The following ALK variants were observed in gnomAD, a reference collection of about 807,000 sequenced individuals.
ALK encodes ALK tyrosine kinase receptor.
A neutral mutation model predicts 163.1 loss-of-function variants in ALK; 74 were observed. The ratio of observed to expected loss-of-function variants is 0.45; its 90% CI spans 0.38 to 0.55. ALK has a LOEUF of 0.55. ALK is among the 20% of genes least tolerant of loss of function. The pLI is 0.00. For missense variants in ALK, 2,063 were observed against 2,105.3 expected, an observed-to-expected ratio of 0.98 and a Z score of 0.39; for synonymous variants, 960 against 843.2, an observed-to-expected ratio of 1.14 and a Z score of -2.40.
At chr2:29,805,591 G>T (rs1664589092) in intron 1 of ALK, among the ~76,000 whole-genome samples, 1 of 152,180 alleles carries the variant, frequency 6.6e-6, no homozygotes, top group Non-Finnish European at 1.5e-5. Flanking sequence ...GGAGCATGTG[G>T]TATTTGGTTT....
intron 2 of ALK, among the ~76,000 whole-genome samples, chr2:29,713,589 G>C (rs755365219): frequency 6.6e-6 from 1 of 152,122 alleles, no homozygotes; most frequent in Admixed American, 6.5e-5. Flanking sequence ...ATGCTCTCCA[G>C]GCAGGGAAAG....
chr2:29,835,314 G>A (rs1489070324), intron 1 of ALK, among the ~76,000 whole-genome samples: 1 of 152,112 alleles, frequency 6.6e-6, no homozygotes, highest in Non-Finnish European at 1.5e-5. Context: ...ACATAAGGGG[G>A]GAAAGGTATT....
chr2:29,628,602 G>A (rs1294866203), intron 3 of ALK, among the ~76,000 whole-genome samples: 3 of 152,152 alleles, frequency 2.0e-5, no homozygotes, highest in Non-Finnish European at 2.9e-5. Flanking sequence ...TAAAGAGATG[G>A]TGTACAGTTC....
chr2:29,650,814 T>G (rs953888062), intron 3 of ALK, among the ~76,000 whole-genome samples: 4 of 152,104 alleles, frequency 2.6e-5, no homozygotes, highest in Non-Finnish European at 4.4e-5. Flanking sequence ...CCCCCTCCCC[T>G]CTGACTTCAG....
At chr2:29,738,700 G>A (rs1017634618) in intron 1 of ALK, among the ~76,000 whole-genome samples, 6 of 152,076 alleles carry the variant, frequency 3.9e-5, no homozygotes, top group African/African-American at 1.5e-4. Flanking sequence ...CCTCTATAGA[G>A]ACTGAATCAA....
intron 1 of ALK, among the ~76,000 whole-genome samples, chr2:29,765,440 C>T (rs1680833271): frequency 6.6e-6 from 1 of 152,066 alleles, no homozygotes; most frequent in Non-Finnish European, 1.5e-5. Flanking sequence ...CATCATGATG[C>T]TGCTATCAGA....
chr2:29,375,563 C>T (rs13007659), intron 5 of ALK, among the ~76,000 whole-genome samples: 24,326 of 152,080 alleles, frequency 0.16, 2,298 homozygotes, highest in Middle Eastern at 0.28. Context: ...GTGATCTGCC[C>T]GCCTCGGCCT....
At chr2:29,448,535 T>C (rs1326506068) in intron 4 of ALK, among the ~76,000 whole-genome samples, 4 of 152,166 alleles carry the variant, frequency 2.6e-5, no homozygotes, top group Non-Finnish European at 5.9e-5. Flanking sequence ...AATAACAGTG[T>C]CATCCTGGAA....
chr2:29,803,049 T>C (rs1664525505), intron 1 of ALK, among the ~76,000 whole-genome samples: 1 of 152,230 alleles, frequency 6.6e-6, no homozygotes, highest in East Asian at 1.9e-4. Flanking sequence ...TTCTTAATTA[T>C]CTAAAATGGC....
intron 4 of ALK, among the ~76,000 whole-genome samples, chr2:29,450,323 T>A (rs1310061159): frequency 6.6e-6 from 1 of 152,184 alleles, no homozygotes; most frequent in Non-Finnish European, 1.5e-5. Context: ...TTGGTAATGA[T>A]GCCAATTCAG....
rs534474949 is a variant in ALK at position 29,786,549 on chromosome 2, C to T, written c.668-68852G>A. On this transcript the variant is annotated intron_variant, in intron 1 of 28. Coordinates refer to ENST00000389048, the MANE Select transcript of ALK (RefSeq NM_004304.5). ...TCCAGGAGTTGTGTAGAGATCACCACGTGGCCACTCCCTCAGTAAACATTT... is the reference window on the plus strand; with the variant it reads ...TCCAGGAGTTGTGTAGAGATCACCATGTGGCCACTCCCTCAGTAAACATTT... Among the ~76,000 whole-genome samples, 6 of 152,208 alleles carry T rather than the reference C, an allele frequency of 3.9e-5. No homozygotes were observed. The East Asian group carries it at 5.8e-4, about 15-fold the overall frequency.
chr2:29,201,746 C>A (rs1023208513), intron 26 of ALK, among the ~76,000 whole-genome samples: 2 of 150,950 alleles, frequency 1.3e-5, no homozygotes, highest in Non-Finnish European at 2.9e-5. Flanking sequence ...GAGATGGCGC[C>A]ACTGTACTCC....
intron 4 of ALK, among the ~76,000 whole-genome samples, chr2:29,422,205 C>A (rs1173862579): frequency 6.6e-6 from 1 of 151,448 alleles, no homozygotes; most frequent in African/African-American, 2.5e-5. Context: ...CTTCAAAGAA[C>A]TTTAATGATA....
intron 1 of ALK, among the ~76,000 whole-genome samples, chr2:29,816,536 T>A (rs1313485931): frequency 6.6e-6 from 1 of 152,186 alleles, no homozygotes; most frequent in South Asian, 2.1e-4. Flanking sequence ...TAAAAGTGTT[T>A]ACTAATTATA....
intron 3 of ALK, among the ~76,000 whole-genome samples, chr2:29,671,627 T>A (rs191409433): frequency 1.3e-5 from 2 of 152,148 alleles, no homozygotes; most frequent in Admixed American, 1.3e-4. Context: ...TTCTATGAAC[T>A]TGTTGCCAGG....
At chr2:29,718,953 A>C (rs1679344570) in intron 1 of ALK, among the ~76,000 whole-genome samples, 2 of 151,982 alleles carry the variant, frequency 1.3e-5, no homozygotes, top group East Asian at 3.9e-4. Context: ...CTTCCACATT[A>C]CCCCCTGTAC....
At chr2:29,624,670 C>A (rs749893096) in intron 3 of ALK, among the ~76,000 whole-genome samples, 9 of 152,264 alleles carry the variant, frequency 5.9e-5, no homozygotes, top group Admixed American at 5.2e-4. Flanking sequence ...ATGGGATGAT[C>A]CGTGCAGCAA....
At chr2:29,468,674 C>A (rs1265769622) in intron 4 of ALK, among the ~76,000 whole-genome samples, 6 of 151,508 alleles carry the variant, frequency 4.0e-5, no homozygotes, top group East Asian at 1.9e-4. Context: ...AATAGTGAGA[C>A]CCTTTCTCTA....
rs571050953 is a variant in ALK, at chr2:29,842,462, C to T, written c.667+77531G>A. 6.2e-4 allele frequency among the ~76,000 whole-genome samples: 95 copies of T among 152,314 alleles called. 1 individual carries two copies. The highest frequency in any genetic ancestry group is 2.2e-3 in the African/African-American group (90 of 41,572). On this transcript the variant is annotated intron_variant, in intron 1 of 28. Transcript: ENST00000389048. ...TTTACCAGGGCACACAGCTATATCC[C>T]ACATGTCTGTTCTTCTTCCCACTTG...
Sources: gnomAD v4.1 joint callset for allele counts (sites outside exome capture counted in the v4.1 genomes callset) on GRCh38, gnomAD v4.1.1 for gene constraint, MANE v1.5 for transcripts, NCBI Gene and HGNC (gene_info 2026-07-23, HGNC 2026-07-21) for gene names.